Variants in NOD1 observed in about 807,000 individuals in gnomAD.
NOD1 encodes nucleotide binding oligomerization domain containing 1.
In NOD1, 70 loss-of-function variants were observed where a neutral mutation model predicts 81.2. The ratio of observed to expected loss-of-function variants is 0.86; its 90% CI spans 0.71 to 1.05. The LOEUF (loss-of-function observed/expected upper bound fraction) is 1.05. NOD1 is among the 50% of genes least tolerant of loss of function. The pLI is 0.00. For synonymous variants in NOD1, 508 were observed against 526.9 expected (o/e 0.96, Z 0.49); for missense variants, 1,233 against 1,228.0 (o/e 1.00, Z -0.06).
At chr7:30,465,106 G>C (rs1000498660) in intron 1 of NOD1, among the ~76,000 whole-genome samples, 5 of 105,768 alleles carry the variant, frequency 4.7e-5, no homozygotes, top group East Asian at 3.2e-4. Context: ...GAGAGAGACA[G>C]GGGGGTGCCG....
intron 11 of NOD1, among the ~76,000 whole-genome samples, chr7:30,434,452 T>C (rs1447652195): frequency 1.3e-5 from 2 of 152,152 alleles, no homozygotes; most frequent in African/African-American, 4.8e-5. Context: ...AGCCCTACCA[T>C]AATAAAGAAT....
chr7:30,448,078 A>T lies in NOD1; in HGVS notation c.2285+220T>A, dbSNP rs199476270. On this transcript the variant is annotated intron_variant, in intron 7 of 13. Transcript: ENST00000222823. The stretch of plus-strand genomic sequence containing the variant: ...ACCAGTTGTAAGCCTACTTGCCTAT[A>T]CTGGGATCCCAGTTTTACAGGTGAG... 1.2e-4 allele frequency: 65 copies of T among 559,984 alleles called. No homozygotes were observed. The East Asian group carries it at 1.3e-3, about 12-fold the overall frequency. 34.7% of individuals were successfully genotyped at this position (559,984 alleles called of 1,614,324 possible).
At position 30,448,315 on chromosome 7, in the gene NOD1, T is replaced by G. The variant is rs1311656355; in HGVS notation, c.2268A>C (p.Lys756Asn). 1.2e-6 allele frequency: 2 copies of G among 1,613,774 alleles called. No homozygotes were observed. The highest frequency in any genetic ancestry group is 1.7e-6 in the Non-Finnish European group (2 of 1,179,778). The change falls in exon 7 of 14, where the codon AAA (lysine) becomes AAC (asparagine). Residue 756 changes from lysine (K) to asparagine (N), a missense_variant. By Grantham distance (94) the Lys-to-Asn change is moderately conservative (BLOSUM62 0). Transcript: ENST00000222823. ...AGACATACCCCAAATAGGTCACAAT[T>G]TTGTATTTGGTCAGCTCTTCGCTTA... ...KVLSEELTKY[K>N]IVTYLGLYNN... is the part of the protein sequence containing the mutation.
chr7:30,432,989 C>A, intron 12 of NOD1, 107 bp downstream of exon 12: 1 of 836,022 alleles, frequency 1.2e-6, no homozygotes, highest in South Asian at 1.7e-5. Context: ...CTAAAAACCT[C>A]TGAATTGTAT....
intron 11 of NOD1, among the ~76,000 whole-genome samples, chr7:30,434,254 A>AG (rs979571016): frequency 4.6e-5 from 7 of 152,224 alleles, no homozygotes; most frequent in African/African-American, 1.7e-4. Flanking sequence ...GAGTTAACAC[A>AG]GGGAAAAAGT....
intron 6 of NOD1, among the ~76,000 whole-genome samples, chr7:30,450,072 T>C (rs948558670): frequency 1.3e-5 from 2 of 152,180 alleles, no homozygotes; most frequent in Admixed American, 1.3e-4. Flanking sequence ...CGTGTGCCTG[T>C]AATCCCAGCT....
rs866121933 is a variant in NOD1, at chr7:30,433,172, G to T, written c.2629C>A (p.Gln877Lys). The T allele has an allele frequency of 3.7e-6, 6 of 1,613,354 alleles. No homozygotes were observed. The African/African-American group carries it at 6.7e-5, about 18-fold the overall frequency. Residue 877 changes from glutamine (Q) to lysine (K), a missense_variant, in exon 12 of 14, where the codon CAA (glutamine) becomes AAA (lysine). Transcript: ENST00000222823. The stretch of plus-strand genomic sequence containing the variant: ...GCCACTTCATCGTTGAGTTCATTTT[G>T]GGTCAGCCTAAGGAAAAAAAAGGAA... ...NTSLEILWLT[Q>K]NELNDEVAES...
rs1562681326 is a variant in NOD1, at chr7:30,451,364, A to T, written c.2053T>A (p.Cys685Ser). Reference sequence around the variant, plus strand: ...CTGCAGTCGGCCGAGCAGGCGTTGCAGTAGGTCAGCTTGAGGTAGTTGGCG... The same window carrying T: ...CTGCAGTCGGCCGAGCAGGCGTTGCTGTAGGTCAGCTTGAGGTAGTTGGCG... ...ICANYLKLTY[C>S]NACSADCSAL... Residue 685 changes from cysteine to serine, a missense_variant, in exon 6 of 14, where the codon TGC becomes AGC. Cys to Ser is a moderately radical substitution (Grantham distance 112). Transcript: ENST00000222823. The surrounding 1 kb of genome is among the most constrained non-coding windows in gnomAD (Gnocchi z 4.2). 6.2e-7 allele frequency: 1 copy of T among 1,614,198 alleles called. No individual in the cohort carries two copies. Among genetic ancestry groups the T allele is most frequent in the Non-Finnish European group, 8.5e-7 (1 of 1,180,046 alleles).
At chr7:30,465,505 C>T (rs1465312183) in intron 1 of NOD1, among the ~76,000 whole-genome samples, 1 of 152,328 alleles carries the variant, frequency 6.6e-6, no homozygotes, top group East Asian at 1.9e-4. Context: ...GCGCCTTCCT[C>T]CCAGCATGAG....
At chr7:30,437,224 G>C (rs1784453220) in intron 10 of NOD1, among the ~76,000 whole-genome samples, 1 of 152,084 alleles carries the variant, frequency 6.6e-6, no homozygotes, top group Non-Finnish European at 1.5e-5. Context: ...GGGCCTGTTG[G>C]GGGTGGGGGG....
At chr7:30,465,163 G>A (rs1455730572) in intron 1 of NOD1, among the ~76,000 whole-genome samples, 3 of 152,200 alleles carry the variant, frequency 2.0e-5, no homozygotes, top group Non-Finnish European at 4.4e-5. Context: ...GATCACAGAC[G>A]TGTCTGCTCC....
At position 30,424,915 on chromosome 7, in the gene NOD1, G is replaced by A. The variant is rs950412339; in HGVS notation, c.*723C>T. On this transcript the variant is annotated 3_prime_UTR_variant, in exon 14 of 14. Coordinates refer to ENST00000222823, the MANE Select transcript of NOD1 (RefSeq NM_006092.4). ...GCCTAGCAGAGGAGAAGCCCTGAGT[G>A]GAAGCAGCATTTTGAAGGCATCGTC... The A allele has an allele frequency of 3.3e-5, 5 of 152,384 alleles. No individual in the cohort carries two copies. Among genetic ancestry groups the A allele is most frequent in the Non-Finnish European group, 5.9e-5 (4 of 68,208 alleles). 9.4% of individuals were successfully genotyped at this position (152,384 alleles called of 1,614,324 possible). A position where few individuals can be genotyped will look rare whatever the true frequency, so the allele number is the denominator to read the frequency against.
chr7:30,460,974 G>A (rs770615344), intron 1 of NOD1, among the ~76,000 whole-genome samples: 1 of 152,192 alleles, frequency 6.6e-6, no homozygotes, highest in African/African-American at 2.4e-5. Context: ...AGGGATTGCA[G>A]GATGGCGGAT....
chr7:30,433,710 T>G (rs1043941381), intron 11 of NOD1, among the ~76,000 whole-genome samples: 2 of 152,182 alleles, frequency 1.3e-5, no homozygotes, highest in African/African-American at 4.8e-5. Context: ...AGAAGTGGTC[T>G]GGATAAAGCA....
In NOD1 at chr7:30,446,159, T is replaced by C. The variant is rs892408631; in HGVS notation, c.2435A>G (p.Lys812Arg). The C allele has an allele frequency of 6.2e-7, 1 of 1,614,070 alleles. No individual in the cohort carries two copies. The highest frequency in any genetic ancestry group is 1.6e-4 in the Middle Eastern group (1 of 6,062). ...KYLALAVKNS[K>R]SISEVGMWGN... is the part of the protein sequence containing the mutation. The stretch of plus-strand genomic sequence containing the variant: ...TACTCACCCAACCTCAGAGATTGAT[T>C]TGCTGTTCTTCACAGCCAGGGCGAG... The change falls in exon 9 of 14, where the codon AAA (lysine) becomes AGA (arginine). Residue 812 changes from lysine to arginine, a missense_variant. Lys to Arg is a conservative substitution (Grantham distance 26). Transcript: ENST00000222823.
Position 30,447,223 on chromosome 7 carries a change from TCCA to T in NOD1, c.2286-176_2286-174del, listed in dbSNP as rs547865481. The stretch of plus-strand genomic sequence containing the variant: ...CTCACAGCTCAGGTTCAAAACCAGC[TCCA>T]CTACTTTCCCCAGCTTTATGGCCTG... On this transcript the variant is annotated intron_variant, in intron 7 of 13. Coordinates refer to ENST00000222823, the MANE Select transcript of NOD1 (RefSeq NM_006092.4). The T allele has an allele frequency of 8.2e-5, 80 of 970,950 alleles. No homozygotes were observed. In the East Asian group the frequency reaches 2.1e-3, roughly 26 times the overall value. 60.1% of individuals were successfully genotyped at this position (970,950 alleles called of 1,614,324 possible).
intron 1 of NOD1, among the ~76,000 whole-genome samples, chr7:30,461,164 A>C (rs78983713): frequency 0.025 from 3,781 of 152,328 alleles, 158 homozygotes; most frequent in African/African-American, 0.085. Context: ...TATGTCATCC[A>C]TACAAAATTT....
intron 11 of NOD1, among the ~76,000 whole-genome samples, chr7:30,434,502 C>A (rs1784227498): frequency 6.6e-6 from 1 of 152,140 alleles, no homozygotes; most frequent in South Asian, 2.1e-4. Context: ...GATGGAGAAA[C>A]CCTAAAGGAG....
At chr7:30,460,859 C>T (rs910308397) in intron 1 of NOD1, among the ~76,000 whole-genome samples, 1 of 152,202 alleles carries the variant, frequency 6.6e-6, no homozygotes. Context: ...CTCACAGAAA[C>T]CAGTGCCCAA....
Sources: allele counts gnomAD v4.1 joint callset (sites outside exome capture counted in the v4.1 genomes callset), GRCh38; gene constraint gnomAD v4.1.1; non-coding constraint Gnocchi (gnomAD v3.1); transcripts MANE v1.5; gene names NCBI Gene and HGNC (gene_info 2026-07-23, HGNC 2026-07-21).